The following ALS2CL variants were observed in gnomAD, a reference collection of about 807,000 sequenced individuals.
ALS2CL encodes ALS2 C-terminal like.
In ALS2CL, 112 loss-of-function variants were observed where a neutral mutation model predicts 127.9. That is an observed-to-expected ratio of 0.88 (90% CI 0.75 to 1.02). The LOEUF (loss-of-function observed/expected upper bound fraction) is 1.02. Ranked by LOEUF, ALS2CL falls within the 50% of genes least tolerant of loss-of-function variation. ALS2CL has a pLI of 0.00. For missense variants in ALS2CL, 1,174 were observed against 1,236.7 expected, an observed-to-expected ratio of 0.95 and a Z score of 0.76; for synonymous variants, 519 against 527.6, an observed-to-expected ratio of 0.98 and a Z score of 0.22.
intron 13 of ALS2CL, 146 bp from the exon 14 acceptor site, chr3:46,680,687 G>A (rs1699247679): frequency 1.0e-5 from 7 of 673,384 alleles, no homozygotes; most frequent in African/African-American, 1.8e-5. Flanking sequence ...TGCCAGAGAG[G>A]TCAGGACCCC....
intron 1 of ALS2CL, among the ~76,000 whole-genome samples, chr3:46,692,688 C>T (rs375148689): frequency 3.9e-5 from 6 of 152,314 alleles, no homozygotes; most frequent in South Asian, 4.1e-4. Context: ...CCACGGGGTG[C>T]GGTGGGGTGG....
At chr3:46,693,306 GA>G (rs1185247188) in intron 1 of ALS2CL, among the ~76,000 whole-genome samples, 1 of 152,266 alleles carries the variant, frequency 6.6e-6, no homozygotes, top group African/African-American at 2.4e-5. Flanking sequence ...CCACCTCCTG[GA>G]ATCCCGGGTC....
In ALS2CL at chr3:46,676,852, T is replaced by A. The variant is rs776984447; in HGVS notation, c.1928A>T (p.Glu643Val). ...LRRSQDYLSCERTHPEDSVGS... is the reference protein window; with the variant it reads ...LRRSQDYLSCVRTHPEDSVGS... The stretch of plus-strand genomic sequence containing the variant: ...ATGCTCACACAGCCGGCCTCACCTC[T>A]CGCAGGACAGGTAATCCTGAGACCT... The change falls in exon 17 of 26, where the codon GAG becomes GTG. Residue 643 changes from glutamate (E) to valine (V), a missense_variant. Transcript: ENST00000318962. 6.7e-7 allele frequency: 1 copy of A among 1,487,894 alleles called. No homozygotes were observed. Among genetic ancestry groups the A allele is most frequent in the Non-Finnish European group, 9.1e-7 (1 of 1,100,736 alleles). 92.2% of individuals were successfully genotyped at this position (1,487,894 alleles called of 1,614,324 possible).
intron 3 of ALS2CL, 129 bp from the exon 4 acceptor site, chr3:46,687,813 C>T: frequency 1.0e-6 from 1 of 982,516 alleles, no homozygotes; most frequent in Non-Finnish European, 1.5e-6. Context: ...AGTGGCCTGG[C>T]TCTGGGCACT....
Position 46,674,607 on chromosome 3 carries a change from G to A in ALS2CL, c.2388C>T (p.Leu796=). 1 of 1,614,080 alleles carries A rather than the reference G, an allele frequency of 6.2e-7. No homozygotes were observed. Among genetic ancestry groups the A allele is most frequent in the Non-Finnish European group, 8.5e-7 (1 of 1,179,994 alleles). ...FYSQGIANLS[L]FPDTQLLEFL... ...ACTCGAGCAGTTGGGTATCAGGAAA[G>A]AGGCTCAAGTTGGCAATGCCCTGGC... The change falls in exon 21 of 26, where the codon CTC becomes CTT. Residue 796 remains leucine (L), a synonymous_variant. Coordinates refer to ENST00000318962, the MANE Select transcript of ALS2CL (RefSeq NM_147129.5).
Position 46,676,360 on chromosome 3 carries a change from T to C in ALS2CL, c.2071A>G (p.Thr691Ala). The C allele has an allele frequency of 6.2e-7, 1 of 1,613,922 alleles. No homozygotes were observed. Among genetic ancestry groups the C allele is most frequent in the Non-Finnish European group, 8.5e-7 (1 of 1,179,984 alleles). Residue 691 changes from threonine to alanine, a missense_variant, in exon 19 of 26, where the codon ACA becomes GCA. Thr to Ala is a moderately conservative substitution (Grantham distance 58). Transcript: ENST00000318962. ...SLHPLGKLLR[T>A]LMLTFQATYA... ...GTAGCCTGGAAGGTCAGCATCAGTG[T>C]CCGGAGCAGCTTTCCCAGGGGGTGC...
chr3:46,678,716 C>A (rs1214595069), intron 15 of ALS2CL, among the ~76,000 whole-genome samples: 1 of 152,250 alleles, frequency 6.6e-6, no homozygotes, highest in Non-Finnish European at 1.5e-5. Context: ...GGACAGGCAA[C>A]GCCTGAGGAG....
At position 46,681,177 on chromosome 3, in the gene ALS2CL, G is replaced by C. The variant is rs1170935831; in HGVS notation, c.1436+69C>G. On this transcript the variant is annotated intron_variant, in intron 13 of 25. Transcript: ENST00000318962. The surrounding 1 kb of genome is among the most constrained non-coding windows in gnomAD (Gnocchi z 4.9). Reference sequence around the variant, plus strand: ...GGGGACAAACAGGAGCCTGTGTCCTGCAACAATCTGGTCTGTGAGGGCCCG... The same window carrying C: ...GGGGACAAACAGGAGCCTGTGTCCTCCAACAATCTGGTCTGTGAGGGCCCG... The C allele has an allele frequency of 6.2e-7, 1 of 1,604,390 alleles. No homozygotes were observed. Among genetic ancestry groups the C allele is most frequent in the East Asian group, 2.2e-5 (1 of 44,820 alleles).
At position 46,683,321 on chromosome 3, in the gene ALS2CL, G is replaced by T. The variant is rs1699505129; in HGVS notation, c.918C>A (p.Val306=). 1 of 1,583,822 alleles carries T rather than the reference G, an allele frequency of 6.3e-7. No homozygotes were observed. Among genetic ancestry groups the T allele is most frequent in the South Asian group, 1.1e-5 (1 of 87,468 alleles). The change falls in exon 10 of 26, where the codon GTC becomes GTA. Residue 306 remains valine, a synonymous_variant. Coordinates refer to ENST00000318962, the MANE Select transcript of ALS2CL (RefSeq NM_147129.5). ...FCAKDSQGQA[V]WQWKVTWAVH... ...CAGCCCAGGTCACCTTCCACTGCCAGACTGCCTGGTGGGAGGGGGAACATG... is the reference window on the plus strand; with the variant it reads ...CAGCCCAGGTCACCTTCCACTGCCATACTGCCTGGTGGGAGGGGGAACATG...
chr3:46,688,319 C>T lies in ALS2CL; in HGVS notation c.104-23G>A, dbSNP rs759698715. ...GGGCTGGGGAAGGAGTACAGTCACACTGTGAGTAGAGGACGTGGGCTCCAT... is the reference window on the plus strand; with the variant it reads ...GGGCTGGGGAAGGAGTACAGTCACATTGTGAGTAGAGGACGTGGGCTCCAT... On this transcript the variant is annotated intron_variant, in intron 2 of 25. Coordinates refer to ENST00000318962, the MANE Select transcript of ALS2CL (RefSeq NM_147129.5). 9 of 1,608,108 alleles carry T rather than the reference C, an allele frequency of 5.6e-6. No individual in the cohort carries two copies. The East Asian group carries it at 1.8e-4, about 32-fold the overall frequency.
chr3:46,691,766 G>A (rs1276410080), intron 1 of ALS2CL, among the ~76,000 whole-genome samples: 2 of 146,004 alleles, frequency 1.4e-5, no homozygotes, highest in Non-Finnish European at 1.5e-5. Context: ...CTATGTTGAC[G>A]AGGCTGGTCT....
Position 46,680,552 on chromosome 3 carries a change from A to G in ALS2CL, c.1437-11T>C, listed in dbSNP as rs1465180066. On this transcript the variant is annotated splice_polypyrimidine_tract_variant and intron_variant, in intron 13 of 25. Transcript: ENST00000318962. ...ATGTAGCGCTCACCTCTGGAAGGAG[A>G]GGAATGTGGCCAGAGTTGGATCAGA... is the stretch of plus-strand genomic sequence containing the variant. The G allele has an allele frequency of 6.2e-7, 1 of 1,609,158 alleles. No homozygotes were observed. Among genetic ancestry groups the G allele is most frequent in the Non-Finnish European group, 8.5e-7 (1 of 1,178,710 alleles).
In ALS2CL at chr3:46,675,476, C is replaced by T. The variant is rs115141716; in HGVS notation, c.2255+142G>A. 1,978 of 781,746 alleles carry T rather than the reference C, an allele frequency of 2.5e-3. 33 individuals carry two copies. In the African/African-American group the frequency reaches 0.029, roughly 12 times the overall value. 48.4% of individuals were successfully genotyped at this position (781,746 alleles called of 1,614,324 possible). Reference sequence around the variant, plus strand: ...GTCATGGGTCATTCTAATCCACAAACGATCAATGCACAATGTTTGGTCAAT... The same window carrying T: ...GTCATGGGTCATTCTAATCCACAAATGATCAATGCACAATGTTTGGTCAAT... On this transcript the variant is annotated intron_variant, in intron 20 of 25. Coordinates refer to ENST00000318962, the MANE Select transcript of ALS2CL (RefSeq NM_147129.5).
In ALS2CL at chr3:46,669,778, A is replaced by T. The variant is rs1698254488; in HGVS notation, c.*1206T>A. On this transcript the variant is annotated 3_prime_UTR_variant, in exon 26 of 26. Coordinates refer to ENST00000318962, the MANE Select transcript of ALS2CL (RefSeq NM_147129.5). ...AAGGCTCTCTCTGCCCACTGCCCAC[A>T]TCATCTCTGGGACTCTGCGGGTGCC... is the stretch of plus-strand genomic sequence containing the variant. The T allele has an allele frequency of 6.6e-6, 1 of 152,274 alleles. No homozygotes were observed. The highest frequency in any genetic ancestry group is 1.5e-5 in the Non-Finnish European group (1 of 68,074). 9.4% of individuals were successfully genotyped at this position (152,274 alleles called of 1,614,324 possible).
At chr3:46,679,785 A>G (rs1699171850) in intron 14 of ALS2CL, 1 of 154,590 alleles carries the variant, frequency 6.5e-6, no homozygotes, top group Non-Finnish European at 1.4e-5. Context: ...AATCCTTTCG[A>G]GAATGAAGTA....
rs747362543 is a variant in ALS2CL at position 46,676,846 on chromosome 3, C to T, written c.1931+3G>A. 1.5e-5 allele frequency: 25 copies of T among 1,613,496 alleles called. No individual in the cohort carries two copies. Among genetic ancestry groups the T allele is most frequent in the Non-Finnish European group, 2.0e-5 (24 of 1,179,880 alleles). ...CTGTGCATGCTCACACAGCCGGCCTCACCTCTCGCAGGACAGGTAATCCTG... is the reference window on the plus strand; with the variant it reads ...CTGTGCATGCTCACACAGCCGGCCTTACCTCTCGCAGGACAGGTAATCCTG... On this transcript the variant is annotated splice_donor_region_variant and intron_variant, in intron 17 of 25. Coordinates refer to ENST00000318962, the MANE Select transcript of ALS2CL (RefSeq NM_147129.5).
At chr3:46,678,194 T>A in intron 16 of ALS2CL, 65 bp downstream of exon 16, 1 of 1,463,168 alleles carries the variant, frequency 6.8e-7, no homozygotes, top group Non-Finnish European at 9.1e-7. Context: ...GAGACCTGAG[T>A]CTTTGGGATG....
intron 7 of ALS2CL, 100 bp downstream of exon 7, chr3:46,685,425 C>T: frequency 6.5e-7 from 1 of 1,540,878 alleles, no homozygotes; most frequent in Non-Finnish European, 8.8e-7. Context: ...TCCCAGCCCA[C>T]TTTCTCAGTC....
At chr3:46,687,254 C>T (rs1406908434) in intron 4 of ALS2CL, 106 bp from the exon 5 acceptor site, 1 of 1,299,088 alleles carries the variant, frequency 7.7e-7, no homozygotes, top group Admixed American at 2.9e-5. Flanking sequence ...CAGGGCCAGC[C>T]CCAGGCCCAA....
Sources: gnomAD v4.1 joint callset for allele counts (sites outside exome capture counted in the v4.1 genomes callset) on GRCh38, gnomAD v4.1.1 for gene constraint, Gnocchi (gnomAD v3.1) non-coding constraint, MANE v1.5 for transcripts, NCBI Gene and HGNC (gene_info 2026-07-23, HGNC 2026-07-21) for gene names.